Variants in NXN observed in about 807,000 individuals in gnomAD.
NXN encodes the protein nucleoredoxin 1.
In NXN, 16 loss-of-function variants were observed where a neutral mutation model predicts 48.6. That is an observed-to-expected ratio of 0.33 (90% CI 0.22 to 0.50). The LOEUF is 0.50. NXN is among the 20% of genes least tolerant of loss of function. The pLI is 0.98. For missense variants in NXN, 492 were observed against 605.5 expected (o/e 0.81, Z 1.97); for synonymous variants, 281 against 269.6 (o/e 1.04, Z -0.41).
chr17:912,070 A>T (rs994347727), intron 1 of NXN, among the ~76,000 whole-genome samples: 7 of 151,446 alleles, frequency 4.6e-5, no homozygotes, highest in African/African-American at 1.7e-4. Context: ...CCCAAGTAGC[A>T]GGGATTACAG....
At chr17:873,514 G>A (rs2068182719) in intron 1 of NXN, among the ~76,000 whole-genome samples, 1 of 109,832 alleles carries the variant, frequency 9.1e-6, no homozygotes, top group Admixed American at 8.7e-5. Context: ...AAAAAAAGGA[G>A]TCTCCGTCTC....
chr17:819,147 G>A (rs1165071946), intron 5 of NXN: 10 of 396,144 alleles, frequency 2.5e-5, no homozygotes, highest in East Asian at 1.8e-4. Flanking sequence ...GGGTTTCACC[G>A]TGTTGTCCAA....
intron 1 of NXN, among the ~76,000 whole-genome samples, chr17:853,122 C>T (rs2067942487): frequency 6.6e-6 from 1 of 151,982 alleles, no homozygotes; most frequent in Non-Finnish European, 1.5e-5. Flanking sequence ...GGACCACAGG[C>T]GCCCACCACC....
intron 7 of NXN, among the ~76,000 whole-genome samples, chr17:803,461 G>A (rs1179425796): frequency 6.6e-6 from 1 of 152,234 alleles, no homozygotes; most frequent in African/African-American, 2.4e-5. Flanking sequence ...CTGCTGACCT[G>A]AGGCTGCCGA....
At chr17:811,923 T>G (rs1912041808) in intron 5 of NXN, among the ~76,000 whole-genome samples, 1 of 34,670 alleles carries the variant, frequency 2.9e-5, no homozygotes, top group Non-Finnish European at 4.9e-5. Flanking sequence ...AGTTCTGCTT[T>G]TTTTTTTTTT....
chr17:916,495 AAGG>A (rs767671729), intron 1 of NXN, among the ~76,000 whole-genome samples: 3 of 152,218 alleles, frequency 2.0e-5, no homozygotes, highest in South Asian at 2.1e-4. Flanking sequence ...CTTAAAAATG[AAGG>A]AGATTTCAGA....
chr17:929,458 C>G, intron 1 of NXN, among the ~76,000 whole-genome samples: 1 of 152,254 alleles, frequency 6.6e-6, no homozygotes, highest in East Asian at 1.9e-4. Flanking sequence ...CACAGCTTCA[C>G]AATGACAACC....
intron 1 of NXN, among the ~76,000 whole-genome samples, chr17:873,164 C>A (rs889044162): frequency 4.6e-5 from 7 of 152,114 alleles, no homozygotes; most frequent in Admixed American, 3.9e-4. Flanking sequence ...GCTCTTGGGG[C>A]TTCTTAGCTT....
rs374844331 is a variant in NXN at position 850,877 on chromosome 17, G to A, written c.361-24799C>T. 6.6e-5 allele frequency among the ~76,000 whole-genome samples: 10 copies of A among 152,230 alleles called. No individual in the cohort carries two copies. The East Asian group carries it at 9.6e-4, about 15-fold the overall frequency. ...TGTGCTGGTTCCAGATGCCGCCAGT[G>A]CCACAGAACCAAGACGGGCAGAGGG... On this transcript the variant is annotated intron_variant, in intron 1 of 7. Coordinates refer to ENST00000336868, the MANE Select transcript of NXN (RefSeq NM_022463.5).
rs1913381052 is a variant in NXN at position 830,232 on chromosome 17, C to T, written c.361-4154G>A. ...TATTAAGTGAGCGCCCACTGTGTGC[C>T]AGGCTCGTTCTAAGCACAAGAGATT... On this transcript the variant is annotated intron_variant, in intron 1 of 7. Transcript: ENST00000336868. The surrounding 1 kb of genome is among the most constrained non-coding windows in gnomAD (Gnocchi z 4.2). 6.6e-6 allele frequency among the ~76,000 whole-genome samples: 1 copy of T among 152,180 alleles called. No individual in the cohort carries two copies. The highest frequency in any genetic ancestry group is 2.1e-4 in the South Asian group (1 of 4,826).
intron 1 of NXN, among the ~76,000 whole-genome samples, chr17:974,071 C>T (rs1024834633): frequency 2.0e-5 from 3 of 151,442 alleles, no homozygotes; most frequent in Non-Finnish European, 2.9e-5. Context: ...TACCTCATGC[C>T]GGGCGCGGTG....
intron 3 of NXN, 45 bp from the exon 4 acceptor site, chr17:822,502 C>T (rs923175800): frequency 3.5e-6 from 5 of 1,426,134 alleles, no homozygotes; most frequent in African/African-American, 2.8e-5. Context: ...GCTGCTTCTC[C>T]ACCTCCCAGC....
In NXN at chr17:932,316, G is replaced by A. The variant is rs1018227368; in HGVS notation, c.360+47003C>T. Among the ~76,000 whole-genome samples the A allele has an allele frequency of 6.6e-6, 1 of 152,116 alleles. No homozygotes were observed. The highest frequency in any genetic ancestry group is 1.5e-5 in the Non-Finnish European group (1 of 68,028). The stretch of plus-strand genomic sequence containing the variant: ...CTTAAACTCTGGTCCCTGGACGTAC[G>A]GCTTCCGGGTTGCCTGGGAACTGTT... On this transcript the variant is annotated intron_variant, in intron 1 of 7. Transcript: ENST00000336868. The surrounding 1 kb of genome is among the most constrained non-coding windows in gnomAD (Gnocchi z 4.1).
At position 920,721 on chromosome 17, in the gene NXN, CTTT is replaced by C. The variant is rs67399502; in HGVS notation, c.360+58595_360+58597del. 4.2e-5 allele frequency among the ~76,000 whole-genome samples: 6 copies of C among 144,454 alleles called. No individual in the cohort carries two copies. The highest frequency in any genetic ancestry group is 1.3e-4 in the African/African-American group (5 of 39,300). 94.8% of individuals were successfully genotyped at this position (144,454 alleles called of 152,430 possible). ...TGGAAGATTCCACCGTTCAGGAAGC[CTTT>C]TTTTTTTTTTTCCTTTGAAACAGAG... On this transcript the variant is annotated intron_variant, in intron 1 of 7. Coordinates refer to ENST00000336868, the MANE Select transcript of NXN (RefSeq NM_022463.5). This position sits in a 1 kb window ranked among gnomAD's most constrained non-coding sequence, Gnocchi z 4.6.
At chr17:818,649 G>T (rs922946060) in intron 5 of NXN, among the ~76,000 whole-genome samples, 2 of 152,176 alleles carry the variant, frequency 1.3e-5, no homozygotes, top group African/African-American at 4.8e-5. Flanking sequence ...ACTTTGGGAG[G>T]TCGAGGCGGG....
intron 1 of NXN, among the ~76,000 whole-genome samples, chr17:852,712 C>G (rs922230106): frequency 1.3e-5 from 2 of 152,260 alleles, no homozygotes; most frequent in Middle Eastern, 3.4e-3. Context: ...GGGCCAGGTC[C>G]CCCTGCACGG....
intron 1 of NXN, among the ~76,000 whole-genome samples, chr17:889,699 AAAAGAAAG>A (rs201931057): frequency 0.017 from 2,134 of 126,628 alleles, 39 homozygotes; most frequent in East Asian, 0.049. Context: ...GAAAGAAAGA[AAAAGAAAG>A]AAAGAAAGAA....
rs563653854 is a variant in NXN at position 965,856 on chromosome 17, C to G, written c.360+13463G>C. On this transcript the variant is annotated intron_variant, in intron 1 of 7. Transcript: ENST00000336868. Reference sequence around the variant, plus strand: ...AACAGACAGGGCACAGTGACTCACACCTATAATCCCAGCACTTTGGGAGGC... The same window carrying G: ...AACAGACAGGGCACAGTGACTCACAGCTATAATCCCAGCACTTTGGGAGGC... Among the ~76,000 whole-genome samples, 4 of 152,022 alleles carry G rather than the reference C, an allele frequency of 2.6e-5. No individual in the cohort carries two copies. In the East Asian group the frequency reaches 7.7e-4, roughly 29 times the overall value.
At chr17:893,209 T>A (rs945637591) in intron 1 of NXN, among the ~76,000 whole-genome samples, 8 of 152,222 alleles carry the variant, frequency 5.3e-5, no homozygotes, top group Non-Finnish European at 1.2e-4. Context: ...TCAGTGCAGT[T>A]GTATCAGGCC....
Sources: allele counts gnomAD v4.1 joint callset (sites outside exome capture counted in the v4.1 genomes callset), GRCh38; gene constraint gnomAD v4.1.1; non-coding constraint Gnocchi (gnomAD v3.1); transcripts MANE v1.5; gene names NCBI Gene and HGNC (gene_info 2026-07-23, HGNC 2026-07-21).